The following G2E3 variants were observed in gnomAD, a reference collection of about 807,000 sequenced individuals.
G2E3 encodes the protein G2/M phase-specific E3 ubiquitin-protein ligase.
In G2E3, 35 loss-of-function variants were observed where a neutral mutation model predicts 92.8. That is an observed-to-expected ratio of 0.38 (90% CI 0.29 to 0.50). G2E3 has a LOEUF of 0.50. Among genes scored for constraint, G2E3 ranks in the 20% least tolerant of loss-of-function variants. The pLI, the probability that G2E3 is intolerant of heterozygous loss-of-function variation, is 0.94. For missense variants in G2E3, 554 were observed against 823.8 expected, an observed-to-expected ratio of 0.67 and a Z score of 4.01; for synonymous variants, 242 against 272.4, an observed-to-expected ratio of 0.89 and a Z score of 1.10.
rs560510599 is a variant in G2E3 at position 30,616,704 on chromosome 14, G to GT, written c.*178dup. ...TTATAGCCACTTAGGCTAAAAAAAGGTTTTTTTTGTTAAAGCATACTAGTC... is the reference window on the plus strand; with the variant it reads ...TTATAGCCACTTAGGCTAAAAAAAGGTTTTTTTTTGTTAAAGCATACTAGTC... On this transcript the variant is annotated 3_prime_UTR_variant, in exon 15 of 15. Transcript: ENST00000206595. 5.6e-4 allele frequency: 281 copies of GT among 499,194 alleles called. 1 individual carries two copies. The highest frequency in any genetic ancestry group is 1.4e-3 in the East Asian group (38 of 27,752). 30.9% of individuals were successfully genotyped at this position (499,194 alleles called of 1,614,324 possible).
At chr14:30,584,227 A>T (rs564518992) in intron 2 of G2E3, among the ~76,000 whole-genome samples, 1 of 152,368 alleles carries the variant, frequency 6.6e-6, no homozygotes, top group Admixed American at 6.5e-5. Flanking sequence ...TTATTGCTGA[A>T]TAATATTCCA....
chr14:30,599,361 G>A (rs2138873522), intron 8 of G2E3, among the ~76,000 whole-genome samples: 1 of 152,214 alleles, frequency 6.6e-6, no homozygotes, highest in South Asian at 2.1e-4. Flanking sequence ...CCGAGTAGTT[G>A]GGATTACAGG....
chr14:30,562,619 T>C (rs1189184932), intron 1 of G2E3, among the ~76,000 whole-genome samples: 1 of 151,378 alleles, frequency 6.6e-6, no homozygotes, highest in Non-Finnish European at 1.5e-5. Context: ...CCCGGGGGAG[T>C]TTAGAGAAGA....
chr14:30,606,694 A>G (rs1464531854), intron 11 of G2E3, among the ~76,000 whole-genome samples: 2 of 152,110 alleles, frequency 1.3e-5, no homozygotes, highest in African/African-American at 2.4e-5. Context: ...CAGTTTCTTC[A>G]TCTGTAAAAT....
At chr14:30,607,390 AG>A (rs1881879974) in intron 11 of G2E3, among the ~76,000 whole-genome samples, 1 of 152,144 alleles carries the variant, frequency 6.6e-6, no homozygotes, top group East Asian at 1.9e-4. Flanking sequence ...TCTATGGTAA[AG>A]CCTATTGGTT....
intron 5 of G2E3, among the ~76,000 whole-genome samples, chr14:30,592,869 C>G (rs879766560): frequency 2.0e-5 from 3 of 151,986 alleles, no homozygotes; most frequent in Admixed American, 2.0e-4. Context: ...ATATTATGCC[C>G]TAGGATACCC....
At chr14:30,571,301 C>T (rs1246950873) in intron 1 of G2E3, among the ~76,000 whole-genome samples, 1 of 148,900 alleles carries the variant, frequency 6.7e-6, no homozygotes, top group Non-Finnish European at 1.5e-5. Flanking sequence ...CCATTTTGTT[C>T]ATTTTATTGT....
At chr14:30,612,481 T>C (rs1882139864) in intron 13 of G2E3, 102 bp downstream of exon 13, 2 of 759,486 alleles carry the variant, frequency 2.6e-6, no homozygotes, top group Non-Finnish European at 4.2e-6. Context: ...GAGATGTTTT[T>C]CTCAGAAAAA....
At chr14:30,602,240 A>G in intron 10 of G2E3, 109 bp downstream of exon 10, 2 of 825,104 alleles carry the variant, frequency 2.4e-6, no homozygotes, top group South Asian at 3.8e-5. Flanking sequence ...AGTCTAGAAG[A>G]ATGTTTTTCA....
At chr14:30,586,079 TG>T (rs796203800) in intron 2 of G2E3, among the ~76,000 whole-genome samples, 7 of 152,390 alleles carry the variant, frequency 4.6e-5, no homozygotes, top group African/African-American at 1.2e-4. Flanking sequence ...TTGTTTCAAA[TG>T]TTTTTTGACA....
Position 30,580,941 on chromosome 14 carries a change from A to AT in G2E3, c.-4-133dup, listed in dbSNP as rs1880398355. ...GTTGAGAACTACTGATCTTAGATGTATTAAAGGTAAGAAAAATTTAAATAC... is the reference window on the plus strand; with the variant it reads ...GTTGAGAACTACTGATCTTAGATGTATTTAAAGGTAAGAAAAATTTAAATAC... On this transcript the variant is annotated intron_variant, in intron 1 of 14. Transcript: ENST00000206595. 9 of 632,308 alleles carry AT rather than the reference A, an allele frequency of 1.4e-5. No homozygotes were observed. In the South Asian group the frequency reaches 1.6e-4, roughly 11 times the overall value. 39.2% of individuals were successfully genotyped at this position (632,308 alleles called of 1,614,324 possible).
chr14:30,580,643 GGAGTTGTAGTTCTGCAAATAT>G (rs1880380112), intron 1 of G2E3, among the ~76,000 whole-genome samples: 2 of 152,220 alleles, frequency 1.3e-5, no homozygotes, highest in Non-Finnish European at 2.9e-5. Context: ...GATTGACATA[GGAGTTGTAGTTCTGCAAATAT>G]AATTTGTTAA....
At chr14:30,577,239 A>G (rs796496983) in intron 1 of G2E3, among the ~76,000 whole-genome samples, 14 of 151,046 alleles carry the variant, frequency 9.3e-5, no homozygotes, top group Admixed American at 5.3e-4. Context: ...AAAAAAAAAA[A>G]AAAAGAAAAA....
chr14:30,607,130 A>C (rs937261615), intron 11 of G2E3, among the ~76,000 whole-genome samples: 6 of 152,118 alleles, frequency 3.9e-5, no homozygotes, highest in African/African-American at 1.4e-4. Context: ...AAGTTAGTCT[A>C]AATGCATTTA....
chr14:30,579,429 C>G (rs1436046641), intron 1 of G2E3, among the ~76,000 whole-genome samples: 1 of 152,116 alleles, frequency 6.6e-6, no homozygotes, highest in African/African-American at 2.4e-5. Context: ...TAGGAAAGCA[C>G]AGAAATATAT....
chr14:30,592,527 C>T, intron 5 of G2E3, 80 bp downstream of exon 5: 1 of 1,095,624 alleles, frequency 9.1e-7, no homozygotes, highest in Non-Finnish European at 1.3e-6. Flanking sequence ...TATAATACTA[C>T]AATAAATTTT....
At position 30,577,094 on chromosome 14, in the gene G2E3, G is replaced by A. The variant is rs145839747; in HGVS notation, c.-4-3982G>A. ...ACAAAAATTAGCTAGGCGTGGTGGC[G>A]TATGCCTGTAGTCCCAGCTACTCGG... On this transcript the variant is annotated intron_variant, in intron 1 of 14. Transcript: ENST00000206595. Among the ~76,000 whole-genome samples, 769 of 151,902 alleles carry A rather than the reference G, an allele frequency of 5.1e-3. 7 individuals are homozygous for A. The highest frequency in any genetic ancestry group is 0.017 in the African/African-American group (707 of 41,454).
chr14:30,567,438 A>G (rs1170034144), intron 1 of G2E3, among the ~76,000 whole-genome samples: 2 of 152,080 alleles, frequency 1.3e-5, no homozygotes, highest in African/African-American at 2.4e-5. Flanking sequence ...TTCTTAGAGT[A>G]CAATTGTTCA....
Position 30,559,260 on chromosome 14 carries a change from C to G in G2E3, c.-17C>G, listed in dbSNP as rs1172783170. On this transcript the variant is annotated 5_prime_UTR_variant, in exon 1 of 15. Transcript: ENST00000206595. ...GGCACTGAGGCTCTGGAACTTCTGC[C>G]CAGCTCTCCTTGGTGAGTAAATGGG... The G allele has an allele frequency of 6.6e-6, 1 of 152,436 alleles. No homozygotes were observed. Among genetic ancestry groups the G allele is most frequent in the East Asian group, 1.9e-4 (1 of 5,200 alleles). The allele number at this position is 152,436 out of a possible 1,614,324, so 9.4% of individuals were successfully genotyped here.
Sources: allele counts gnomAD v4.1 joint callset (sites outside exome capture counted in the v4.1 genomes callset), GRCh38; gene constraint gnomAD v4.1.1; transcripts MANE v1.5; gene names NCBI Gene and HGNC (gene_info 2026-07-23, HGNC 2026-07-21).